The following TMEM131L variants were observed in gnomAD, a reference collection of about 807,000 sequenced individuals.
TMEM131L encodes the protein transmembrane 131 like.
Under a neutral mutation model 192.2 loss-of-function variants are expected in TMEM131L, and 54 were observed. The ratio of observed to expected loss-of-function variants is 0.28; its 90% CI spans 0.23 to 0.35. TMEM131L has a LOEUF of 0.35. Among genes scored for constraint, TMEM131L ranks in the 10% least tolerant of loss-of-function variants. The pLI, the probability that TMEM131L is intolerant of heterozygous loss-of-function variation, is 1.00. For synonymous variants in TMEM131L, 701 were observed against 704.9 expected (o/e 0.99, Z 0.09); for missense variants, 1,888 against 1,972.9 (o/e 0.96, Z 0.82).
At chr4:153,586,553 C>A (rs985052970) in intron 14 of TMEM131L, among the ~76,000 whole-genome samples, 174 bp downstream of exon 14, 1 of 152,078 alleles carries the variant, frequency 6.6e-6, no homozygotes, top group Non-Finnish European at 1.5e-5. Flanking sequence ...ACATAAAAAT[C>A]TTTATTTGGA....
intron 3 of TMEM131L, among the ~76,000 whole-genome samples, chr4:153,502,460 G>A (rs1283414354): frequency 6.6e-6 from 1 of 152,120 alleles, no homozygotes; most frequent in Non-Finnish European, 1.5e-5. Context: ...CTTCTGTAAG[G>A]TATCATTTAT....
intron 30 of TMEM131L, among the ~76,000 whole-genome samples, chr4:153,626,826 A>G (rs1335240044): frequency 6.6e-6 from 1 of 152,190 alleles, no homozygotes; most frequent in Non-Finnish European, 1.5e-5. Context: ...TAAAGATGGG[A>G]ATCATTTACC....
intron 3 of TMEM131L, among the ~76,000 whole-genome samples, chr4:153,497,004 G>A (rs1733221149): frequency 6.6e-6 from 1 of 152,058 alleles, no homozygotes; most frequent in African/African-American, 2.4e-5. Context: ...GGGACTACAG[G>A]TGCGTGCCCT....
intron 3 of TMEM131L, among the ~76,000 whole-genome samples, chr4:153,487,098 T>A (rs1044911793): frequency 6.6e-6 from 1 of 152,184 alleles, no homozygotes; most frequent in Non-Finnish European, 1.5e-5. Context: ...AGATCTGTTT[T>A]AACAAGCCCT....
At chr4:153,592,735 C>T (rs1578819652) in intron 18 of TMEM131L, 151 bp downstream of exon 18, 1 of 627,980 alleles carries the variant, frequency 1.6e-6, no homozygotes. Context: ...CATCCTGCCC[C>T]TTGGTGCATG....
chr4:153,554,952 A>G (rs552905323), intron 4 of TMEM131L, among the ~76,000 whole-genome samples: 2 of 152,216 alleles, frequency 1.3e-5, no homozygotes, highest in Non-Finnish European at 2.9e-5. Context: ...TGCTGAAAAG[A>G]ATGGGTATCA....
At chr4:153,592,453 A>T (rs1194815682) in intron 17 of TMEM131L, 22 bp from the exon 18 acceptor site, 13 of 1,575,664 alleles carry the variant, frequency 8.3e-6, no homozygotes, top group Non-Finnish European at 1.1e-5. Flanking sequence ...CGGGGTTTTA[A>T]CTTTTCTTTC....
Position 153,466,531 on chromosome 4 carries a change from G to A in TMEM131L, c.124+10G>A, listed in dbSNP as rs761156345. On this transcript the variant is annotated intron_variant, in intron 1 of 34. Transcript: ENST00000409959. ...GGGGCTCAGGGACAAGGTCAGCCTT[G>A]CGCCGCTGGGCTCGCTCTGCCTCTC... 1.5e-6 allele frequency: 2 copies of A among 1,334,384 alleles called. No homozygotes were observed. The highest frequency in any genetic ancestry group is 1.9e-5 in the South Asian group (1 of 51,820). The allele number at this position is 1,334,384 out of a possible 1,614,324, so 82.7% of individuals were successfully genotyped here.
intron 3 of TMEM131L, among the ~76,000 whole-genome samples, chr4:153,497,180 GT>G (rs1323477118): frequency 6.6e-6 from 1 of 152,138 alleles, no homozygotes; most frequent in East Asian, 1.9e-4. Flanking sequence ...CGAAGGGAAT[GT>G]TTTTGAGGAC....
At chr4:153,571,841 G>GT (rs1010036533) in intron 7 of TMEM131L, among the ~76,000 whole-genome samples, 1 of 152,192 alleles carries the variant, frequency 6.6e-6, no homozygotes, top group Non-Finnish European at 1.5e-5. Flanking sequence ...GATGACAGGT[G>GT]TGAGCCACCA....
At chr4:153,619,027 C>T (rs1733198977) in intron 26 of TMEM131L, among the ~76,000 whole-genome samples, 1 of 152,180 alleles carries the variant, frequency 6.6e-6, no homozygotes, top group South Asian at 2.1e-4. Context: ...TTGTCATACT[C>T]ACGGAGAACT....
Position 153,622,880 on chromosome 4 carries a change from T to A in TMEM131L, c.3860-18T>A. 6.2e-7 allele frequency: 1 copy of A among 1,613,364 alleles called. No homozygotes were observed. Among genetic ancestry groups the A allele is most frequent in the Non-Finnish European group, 8.5e-7 (1 of 1,179,322 alleles). On this transcript the variant is annotated intron_variant, in intron 28 of 34. Coordinates refer to ENST00000409959, the MANE Select transcript of TMEM131L (RefSeq NM_001131007.2). Reference sequence around the variant, plus strand: ...GACAGTTGTTTCAGGGAAACATGACTCCTTTCACTTCCTCCAGAAGGTTAC... The same window carrying A: ...GACAGTTGTTTCAGGGAAACATGACACCTTTCACTTCCTCCAGAAGGTTAC...
In TMEM131L at chr4:153,629,605, A is replaced by G. The variant is rs1267941419; in HGVS notation, c.4207+1918A>G. Among the ~76,000 whole-genome samples the G allele has an allele frequency of 3.3e-5, 5 of 152,328 alleles. No homozygotes were observed. The East Asian group carries it at 9.6e-4, about 29-fold the overall frequency. On this transcript the variant is annotated intron_variant, in intron 31 of 34. Transcript: ENST00000409959. ...GAAGAATTATGTGAGTTGCCCATTC[A>G]AATTCCTCTCCTCCCTGGAAACCCC... is the stretch of plus-strand genomic sequence containing the variant.
chr4:153,611,813 C>G (rs970005015), intron 25 of TMEM131L, among the ~76,000 whole-genome samples: 2 of 152,112 alleles, frequency 1.3e-5, no homozygotes, highest in African/African-American at 4.8e-5. Context: ...ACTTTCATTC[C>G]TTTTTTGAAA....
intron 7 of TMEM131L, among the ~76,000 whole-genome samples, chr4:153,561,657 C>T (rs767107537): frequency 3.3e-5 from 5 of 152,124 alleles, no homozygotes; most frequent in African/African-American, 4.8e-5. Context: ...TCCTTGTTGA[C>T]CTCTCATCTG....
At position 153,558,566 on chromosome 4, in the gene TMEM131L, A is replaced by G. The variant is rs550884843; in HGVS notation, c.660+198A>G. ...AGTGTTGATATTCCAGAGTTTGCTT[A>G]ATCTTATTGTTGGTCTTTTGAAATG... On this transcript the variant is annotated intron_variant, in intron 7 of 34. Coordinates refer to ENST00000409959, the MANE Select transcript of TMEM131L (RefSeq NM_001131007.2). 4 of 389,436 alleles carry G rather than the reference A, an allele frequency of 1.0e-5. No individual in the cohort carries two copies. In the East Asian group the frequency reaches 1.5e-4, roughly 14 times the overall value. The allele number at this position is 389,436 out of a possible 1,614,324, so 24.1% of individuals were successfully genotyped here. A position where few individuals can be genotyped will look rare whatever the true frequency, so the allele number is the denominator to read the frequency against.
At chr4:153,626,733 C>CTA (rs1469432890) in intron 30 of TMEM131L, among the ~76,000 whole-genome samples, 1 of 152,236 alleles carries the variant, frequency 6.6e-6, no homozygotes, top group Non-Finnish European at 1.5e-5. Context: ...CCACTACACT[C>CTA]TAGCCTGGGT....
chr4:153,466,389 A>G lies in TMEM131L; in HGVS notation c.-9A>G. On this transcript the variant is annotated 5_prime_UTR_variant, in exon 1 of 35. Coordinates refer to ENST00000409959, the MANE Select transcript of TMEM131L (RefSeq NM_001131007.2). ...GCGGCGAGCAACGGAGAGGAGCGCGAGCAGCAGCATGGCGGGGCTCCGACG... is the reference window on the plus strand; with the variant it reads ...GCGGCGAGCAACGGAGAGGAGCGCGGGCAGCAGCATGGCGGGGCTCCGACG... 7.6e-7 allele frequency: 1 copy of G among 1,310,754 alleles called. No homozygotes were observed. The highest frequency in any genetic ancestry group is 9.7e-7 in the Non-Finnish European group (1 of 1,026,370). The allele number at this position is 1,310,754 out of a possible 1,614,324, so 81.2% of individuals were successfully genotyped here.
At position 153,581,023 on chromosome 4, in the gene TMEM131L, G is replaced by A. The variant is rs182929788; in HGVS notation, c.738+120G>A. On this transcript the variant is annotated intron_variant, in intron 8 of 34. Coordinates refer to ENST00000409959, the MANE Select transcript of TMEM131L (RefSeq NM_001131007.2). Reference sequence around the variant, plus strand: ...AATCCCAGCACTTTGGGAGGCCGAGGCGAGTGGATCACGAGGTCAGGAGAT... The same window carrying A: ...AATCCCAGCACTTTGGGAGGCCGAGACGAGTGGATCACGAGGTCAGGAGAT... The A allele has an allele frequency of 1.5e-3, 975 of 665,482 alleles. 7 individuals are homozygous for A. Among genetic ancestry groups the A allele is most frequent in the South Asian group, 8.9e-3 (499 of 55,892 alleles). The allele number at this position is 665,482 out of a possible 1,614,324, so 41.2% of individuals were successfully genotyped here. A position where few individuals can be genotyped will look rare whatever the true frequency, so the allele number is the denominator to read the frequency against.
Sources: allele counts gnomAD v4.1 joint callset (sites outside exome capture counted in the v4.1 genomes callset), GRCh38; gene constraint gnomAD v4.1.1; transcripts MANE v1.5; gene names NCBI Gene and HGNC (gene_info 2026-07-23, HGNC 2026-07-21).